Variants in RANBP2 observed in about 807,000 individuals in gnomAD.
The protein encoded by RANBP2 is RAN binding protein 2, also known as E3 SUMO-protein ligase RanBP2.
A neutral mutation model predicts 303.6 loss-of-function variants in RANBP2; 57 were observed. The observed-to-expected ratio is 0.19, with a 90% CI of 0.15 to 0.23. The LOEUF (loss-of-function observed/expected upper bound fraction) is 0.23. Ranked by LOEUF, RANBP2 falls within the 10% of genes least tolerant of loss-of-function variation. The pLI, the probability that RANBP2 is intolerant of heterozygous loss-of-function variation, is 1.00. For missense variants in RANBP2, 3,138 were observed against 3,780.8 expected (o/e 0.83, Z 4.46); for synonymous variants, 1,167 against 1,301.5 (o/e 0.90, Z 2.23).
chr2:109,622,736 A>G, the RANBP2 span, among the ~76,000 whole-genome samples: 2 of 152,196 alleles, frequency 1.3e-5, no homozygotes, highest in African/African-American at 2.4e-5. Flanking sequence ...CCACATAATC[A>G]TGAGATTAAA....
chr2:109,243,506 GA>G, the RANBP2 span, among the ~76,000 whole-genome samples: 1 of 152,196 alleles, frequency 6.6e-6, no homozygotes, highest in Non-Finnish European at 1.5e-5. Flanking sequence ...AAATGCTCAT[GA>G]AAAAAGTCAG....
At chr2:109,410,175 G>A in the RANBP2 span, among the ~76,000 whole-genome samples, 1 of 152,212 alleles carries the variant, frequency 6.6e-6, no homozygotes, top group Non-Finnish European at 1.5e-5. Context: ...GGGGAACCGC[G>A]GCCACAGCAC....
intron 7 of RANBP2, among the ~76,000 whole-genome samples, chr2:108,743,405 C>G (rs2149178659): frequency 6.6e-6 from 1 of 152,256 alleles, no homozygotes; most frequent in Non-Finnish European, 1.5e-5. Context: ...AGCTCAGTAG[C>G]TGGGACTACA....
At chr2:109,424,679 C>T in the RANBP2 span, among the ~76,000 whole-genome samples, 1 of 152,128 alleles carries the variant, frequency 6.6e-6, no homozygotes, top group Non-Finnish European at 1.5e-5. Context: ...TTTTGGGCAC[C>T]ATGGACCATG....
chr2:108,773,139 C>G, intron 23 of RANBP2, 93 bp downstream of exon 23: 1 of 1,341,722 alleles, frequency 7.5e-7, no homozygotes, highest in Admixed American at 2.0e-5. Context: ...ATTTTTGAGA[C>G]AGAATTTTAC....
the RANBP2 span, among the ~76,000 whole-genome samples, chr2:109,779,090 CAG>C: frequency 1.5e-5 from 2 of 130,328 alleles, no homozygotes; most frequent in South Asian, 2.7e-4. Context: ...AACATATAAA[CAG>C]AAAGTCAGAA....
At chr2:109,638,880 C>T in the RANBP2 span, among the ~76,000 whole-genome samples, 1 of 152,146 alleles carries the variant, frequency 6.6e-6, no homozygotes, top group Admixed American at 6.5e-5. Flanking sequence ...CTTTTGCCAA[C>T]CCCCTGAGAT....
chr2:109,115,399 T>G, the RANBP2 span, among the ~76,000 whole-genome samples: 1 of 152,216 alleles, frequency 6.6e-6, no homozygotes, highest in African/African-American at 2.4e-5. Context: ...CTTCTTTGTC[T>G]CTTTTGATCT....
the RANBP2 span, among the ~76,000 whole-genome samples, chr2:109,416,775 G>A: frequency 5.1e-3 from 776 of 152,082 alleles, 3 homozygotes; most frequent in South Asian, 9.0e-3. Context: ...GGGTGGTATT[G>A]TGCAACTGTA....
chr2:109,494,565 T>C, the RANBP2 span, among the ~76,000 whole-genome samples: 1 of 152,254 alleles, frequency 6.6e-6, no homozygotes, highest in Admixed American at 6.5e-5. Flanking sequence ...CAGGCTTACT[T>C]TGGAGGAGGA....
chr2:109,219,142 A>T, the RANBP2 span, among the ~76,000 whole-genome samples: 1 of 152,132 alleles, frequency 6.6e-6, no homozygotes, highest in Non-Finnish European at 1.5e-5. Context: ...TCTCTCGCTC[A>T]CACCCCATTC....
the RANBP2 span, among the ~76,000 whole-genome samples, chr2:109,289,245 A>G: frequency 3.5e-4 from 53 of 152,276 alleles, no homozygotes; most frequent in East Asian, 9.5e-3. Context: ...ACACGGTGTA[A>G]TGAATGCCAC....
the RANBP2 span, among the ~76,000 whole-genome samples, chr2:108,840,573 A>G: frequency 6.6e-6 from 1 of 152,094 alleles, no homozygotes; most frequent in African/African-American, 2.4e-5. Context: ...TTTTTGAGGG[A>G]CTGAACCATT....
the RANBP2 span, among the ~76,000 whole-genome samples, chr2:109,388,818 G>A: frequency 7.2e-6 from 1 of 138,592 alleles, no homozygotes; most frequent in Non-Finnish European, 1.6e-5. Context: ...GGTTGCTCTG[G>A]GATGTCAGAG....
At chr2:108,886,162 T>C in the RANBP2 span, among the ~76,000 whole-genome samples, 1 of 152,324 alleles carries the variant, frequency 6.6e-6, no homozygotes, top group African/African-American at 2.4e-5. Flanking sequence ...GTAATTCTAA[T>C]TTTAGTTTTT....
At chr2:109,595,463 G>C in the RANBP2 span, among the ~76,000 whole-genome samples, 66 of 152,118 alleles carry the variant, frequency 4.3e-4, no homozygotes, top group Non-Finnish European at 8.1e-4. Context: ...TCATCATGTG[G>C]TACCTAAGCA....
the RANBP2 span, among the ~76,000 whole-genome samples, chr2:109,529,407 G>A: frequency 6.6e-6 from 1 of 152,208 alleles, no homozygotes; most frequent in African/African-American, 2.4e-5. Context: ...GGACCTCGAG[G>A]GAGAGCCGGG....
chr2:109,718,954 G>A, the RANBP2 span, among the ~76,000 whole-genome samples: 2 of 144,198 alleles, frequency 1.4e-5, no homozygotes, highest in African/African-American at 2.6e-5. Context: ...AGGTTGCAGT[G>A]AGCTGAGATT....
the RANBP2 span, among the ~76,000 whole-genome samples, chr2:108,934,604 G>C: frequency 6.6e-6 from 1 of 152,160 alleles, no homozygotes; most frequent in Non-Finnish European, 1.5e-5. Flanking sequence ...GTCCAAGAGC[G>C]ACTGGCTGCA....
Sources: gnomAD v4.1 joint callset for allele counts (sites outside exome capture counted in the v4.1 genomes callset) on GRCh38, gnomAD v4.1.1 for gene constraint, MANE v1.5 for transcripts, NCBI Gene and HGNC (gene_info 2026-07-23, HGNC 2026-07-21) for gene names.